AK5: variants seen among roughly 807,000 people sequenced by gnomAD.
AK5 encodes the protein adenylate kinase isoenzyme 5.
AK5 carries 27 observed loss-of-function variants against 69.5 expected under a neutral mutation model. The ratio of observed to expected loss-of-function variants is 0.39; its 90% confidence interval spans 0.29 to 0.54. AK5 has a LOEUF of 0.54. AK5 is among the 20% of genes least tolerant of loss of function. The pLI, the probability that AK5 is intolerant of heterozygous loss-of-function variation, is 0.71. For synonymous variants in AK5, 260 were observed against 244.4 expected (o/e 1.06, Z -0.60); for missense variants, 531 against 700.4 (o/e 0.76, Z 2.73).
intron 6 of AK5, among the ~76,000 whole-genome samples, chr1:77,383,287 C>T (rs1219145123): frequency 6.6e-6 from 1 of 152,066 alleles, no homozygotes; most frequent in Non-Finnish European, 1.5e-5. Context: ...CAAGAGTACA[C>T]TTTAGTGCAC....
intron 8 of AK5, among the ~76,000 whole-genome samples, chr1:77,459,992 C>T (rs1653730887): frequency 1.3e-5 from 2 of 152,122 alleles, no homozygotes; most frequent in African/African-American, 2.4e-5. Context: ...CCTGTCAAGG[C>T]TCTAGATCTT....
At chr1:77,294,889 C>T (rs183381564) in intron 3 of AK5, among the ~76,000 whole-genome samples, 5 of 152,000 alleles carry the variant, frequency 3.3e-5, no homozygotes, top group Non-Finnish European at 5.9e-5. Flanking sequence ...ATTAGCTGGG[C>T]GTGGTGACAC....
chr1:77,477,252 T>A (rs965735456), intron 8 of AK5, among the ~76,000 whole-genome samples: 1 of 152,200 alleles, frequency 6.6e-6, no homozygotes, highest in Admixed American at 6.5e-5. Flanking sequence ...AGTCTCAAAC[T>A]CCTGGGCTCA....
chr1:77,495,353 T>C (rs150156188), intron 10 of AK5, among the ~76,000 whole-genome samples: 4 of 152,326 alleles, frequency 2.6e-5, no homozygotes, highest in African/African-American at 7.2e-5. Flanking sequence ...GCCATAATTA[T>C]TTGAATAAGT....
chr1:77,555,310 T>TA (rs1207501164), intron 13 of AK5, among the ~76,000 whole-genome samples: 1 of 152,138 alleles, frequency 6.6e-6, no homozygotes, highest in Non-Finnish European at 1.5e-5. Flanking sequence ...AAACAATTCT[T>TA]ACGTGGTTCC....
intron 10 of AK5, among the ~76,000 whole-genome samples, 183 bp downstream of exon 10, chr1:77,486,535 A>G (rs1037961320): frequency 5.3e-5 from 8 of 151,952 alleles, no homozygotes; most frequent in Non-Finnish European, 8.8e-5. Context: ...CTCTAGTAAA[A>G]ATACAAAAAA....
At chr1:77,449,596 G>A (rs1557601865) in intron 8 of AK5, among the ~76,000 whole-genome samples, 1 of 152,198 alleles carries the variant, frequency 6.6e-6, no homozygotes, top group East Asian at 1.9e-4. Flanking sequence ...GGGGACTGTT[G>A]AGAAGGCATG....
chr1:77,418,466 G>A (rs1393650424), intron 8 of AK5, among the ~76,000 whole-genome samples: 1 of 152,174 alleles, frequency 6.6e-6, no homozygotes, highest in Non-Finnish European at 1.5e-5. Context: ...GTCTGTGGAA[G>A]GGAATGATGA....
chr1:77,334,244 A>G (rs1005716849), intron 5 of AK5, among the ~76,000 whole-genome samples: 1 of 152,186 alleles, frequency 6.6e-6, no homozygotes, highest in Admixed American at 6.5e-5. Flanking sequence ...GGCAGTTATT[A>G]TATATCAACA....
rs143793576 is a variant in AK5 at position 77,512,958 on chromosome 1, G to A, written c.1148-5606G>A. Among the ~76,000 whole-genome samples the A allele has an allele frequency of 8.5e-5, 13 of 152,272 alleles. No homozygotes were observed. The East Asian group carries it at 2.1e-3, about 25-fold the overall frequency. On this transcript the variant is annotated intron_variant, in intron 10 of 13. Coordinates refer to ENST00000354567, the MANE Select transcript of AK5 (RefSeq NM_174858.3). ...GAGATGAGGAGGGAGACCCTAAAGT[G>A]GAATGAGGCAGAAAGTTGGTGATTA...
At chr1:77,476,312 C>T (rs1340465810) in intron 8 of AK5, among the ~76,000 whole-genome samples, 1 of 152,082 alleles carries the variant, frequency 6.6e-6, no homozygotes, top group Non-Finnish European at 1.5e-5. Context: ...TAAATGAAAA[C>T]ATGGTTTAGA....
chr1:77,531,696 G>T (rs1267451323), intron 12 of AK5, among the ~76,000 whole-genome samples: 1 of 152,204 alleles, frequency 6.6e-6, no homozygotes, highest in East Asian at 1.9e-4. Flanking sequence ...AGCCCAGCTG[G>T]CTTCACCCAG....
chr1:77,431,574 A>G (rs1300804116), intron 8 of AK5, among the ~76,000 whole-genome samples: 6 of 152,196 alleles, frequency 3.9e-5, no homozygotes, highest in Admixed American at 3.9e-4. Context: ...TTAGGAGCCA[A>G]CGCCCAAAAG....
At chr1:77,489,882 C>T (rs1427412904) in intron 10 of AK5, among the ~76,000 whole-genome samples, 2 of 152,150 alleles carry the variant, frequency 1.3e-5, no homozygotes, top group Non-Finnish European at 1.5e-5. Flanking sequence ...TCCTTATTAT[C>T]GCTTGAGCTT....
chr1:77,525,377 T>C (rs939225333), intron 12 of AK5, among the ~76,000 whole-genome samples: 2 of 152,214 alleles, frequency 1.3e-5, no homozygotes, highest in African/African-American at 4.8e-5. Flanking sequence ...GGCTGGGTAA[T>C]TTATAAAGAA....
chr1:77,315,725 A>G (rs1030896110), intron 5 of AK5, among the ~76,000 whole-genome samples: 2 of 152,146 alleles, frequency 1.3e-5, no homozygotes, highest in Non-Finnish European at 1.5e-5. Context: ...GGGCGCCACA[A>G]TGTCAGTCTT....
At chr1:77,486,412 T>C (rs955602495) in intron 10 of AK5, 60 bp downstream of exon 10, 4 of 1,333,534 alleles carry the variant, frequency 3.0e-6, no homozygotes, top group Middle Eastern at 5.0e-4. Flanking sequence ...AATTTGGTAG[T>C]GGGCCAGGTG....
intron 6 of AK5, among the ~76,000 whole-genome samples, chr1:77,381,169 G>C (rs1647606901): frequency 6.6e-6 from 1 of 152,098 alleles, no homozygotes; most frequent in African/African-American, 2.4e-5. Context: ...CCTTTGGAAG[G>C]GGCTAGAGAG....
intron 6 of AK5, among the ~76,000 whole-genome samples, chr1:77,355,975 G>GA (rs1238865837): frequency 6.6e-6 from 1 of 151,574 alleles, no homozygotes; most frequent in African/African-American, 2.4e-5. Flanking sequence ...AACAAAGCCT[G>GA]AAAAAATGTT....
Sources: gnomAD v4.1 joint callset for allele counts (sites outside exome capture counted in the v4.1 genomes callset) on GRCh38, gnomAD v4.1.1 for gene constraint, MANE v1.5 for transcripts, NCBI Gene and HGNC (gene_info 2026-07-23, HGNC 2026-07-21) for gene names.